The following DRICH1 variants were observed in gnomAD, a reference collection of about 807,000 sequenced individuals.
DRICH1 encodes aspartate rich 1, also known as aspartate-rich protein 1.
DRICH1 carries 38 observed loss-of-function variants against 39.5 expected under a neutral mutation model. That is an observed-to-expected ratio of 0.96 (90% confidence interval 0.74 to 1.26). The LOEUF is 1.26. Among genes scored for constraint, DRICH1 ranks in the 50% most tolerant of loss-of-function variants. DRICH1 has a pLI of 0.00. For synonymous variants in DRICH1, 84 were observed against 99.5 expected (o/e 0.84, Z 0.93); for missense variants, 279 against 270.4 (o/e 1.03, Z -0.22).
the DRICH1 span, among the ~76,000 whole-genome samples, chr22:23,595,977 C>T: frequency 0.83 from 125,550 of 152,132 alleles, 51,905 homozygotes; most frequent in Middle Eastern, 0.85. Context: ...CCTGCATTCC[C>T]GCTCCAAATG....
downstream of DRICH1, among the ~76,000 whole-genome samples, chr22:23,604,806 T>C (rs150233444): frequency 6.6e-6 from 1 of 152,126 alleles, no homozygotes; most frequent in African/African-American, 2.4e-5. Context: ...AGAGCTGCAG[T>C]TGGACTAGCT....
intron 6 of DRICH1, among the ~76,000 whole-genome samples, chr22:23,618,903 G>A (rs991592721): frequency 8.5e-5 from 13 of 152,078 alleles, no homozygotes; most frequent in Non-Finnish European, 2.9e-5. Context: ...TCCAGGCGCG[G>A]TGGCTCATGC....
chr22:23,595,536 G>A, the DRICH1 span, among the ~76,000 whole-genome samples: 2,353 of 152,060 alleles, frequency 0.015, 34 homozygotes, highest in Non-Finnish European at 0.024. Context: ...TCACCTTTCT[G>A]CCTAGTTGCC....
rs746466174 is a variant in DRICH1, at chr22:23,617,631, C to A, written c.463G>T (p.Val155Leu). ...TCATCTTCACTTCGTGGTAGGCATA[C>A]TAAACTCAGGTTGTCCTCAGAAGAA... ...SCSSEDNLSL[V>L]CLPRSEDDDC... is the part of the protein sequence containing the mutation. Residue 155 changes from valine (V) to leucine (L), a missense_variant, in exon 7 of 12, where the codon GTA becomes TTA. Coordinates refer to ENST00000317749, the MANE Select transcript of DRICH1 (RefSeq NM_016449.4). The A allele has an allele frequency of 6.2e-7, 1 of 1,614,192 alleles. No individual in the cohort carries two copies. Among genetic ancestry groups the A allele is most frequent in the Non-Finnish European group, 8.5e-7 (1 of 1,180,018 alleles).
chr22:23,601,078 A>G, the DRICH1 span, among the ~76,000 whole-genome samples: 3 of 152,256 alleles, frequency 2.0e-5, no homozygotes, highest in East Asian at 1.9e-4. Flanking sequence ...TTGTTTGCAA[A>G]TATTTATACT....
downstream of DRICH1, among the ~76,000 whole-genome samples, chr22:23,604,393 T>C (rs1926624038): frequency 6.6e-6 from 1 of 152,134 alleles, no homozygotes; most frequent in African/African-American, 2.4e-5. Context: ...TGTCCCAGTC[T>C]CTGTCCTGCA....
At chr22:23,627,068 ATTTTT>A (rs141545226) in intron 1 of DRICH1, among the ~76,000 whole-genome samples, 62 of 127,326 alleles carry the variant, frequency 4.9e-4, no homozygotes, top group South Asian at 1.2e-3. Flanking sequence ...TGAGGTTCTG[ATTTTT>A]TTTTTTTTTT....
In DRICH1 at chr22:23,617,618, C is replaced by T. The variant is rs374168516; in HGVS notation, c.476G>A (p.Arg159Gln). 323 of 1,614,030 alleles carry T rather than the reference C, an allele frequency of 2.0e-4. No individual in the cohort carries two copies. The highest frequency in any genetic ancestry group is 6.6e-4 in the Middle Eastern group (4 of 6,084). ...ATCATCACAGTCATCATCTTCACTT[C>T]GTGGTAGGCATACTAAACTCAGGTT... is the stretch of plus-strand genomic sequence containing the variant. ...EDNLSLVCLP[R>Q]SEDDDCDDDD... The change falls in exon 7 of 12, where the codon CGA (arginine) becomes CAA (glutamine). Residue 159 changes from arginine (R) to glutamine (Q), a missense_variant. Transcript: ENST00000317749.
At chr22:23,620,721 CTGT>C in intron 4 of DRICH1, 106 bp from the exon 5 acceptor site, 1 of 1,356,974 alleles carries the variant, frequency 7.4e-7, no homozygotes, top group Non-Finnish European at 1.1e-6. Flanking sequence ...AGTTGTGAAA[CTGT>C]TGTTGAGTCA....
At chr22:23,631,422 A>G (rs1342319828) in intron 1 of DRICH1, among the ~76,000 whole-genome samples, 2 of 151,344 alleles carry the variant, frequency 1.3e-5, no homozygotes, top group East Asian at 3.9e-4. Context: ...TCTAAAATAA[A>G]TAAATAAATA....
intron 11 of DRICH1, among the ~76,000 whole-genome samples, chr22:23,611,493 G>A (rs1032851259): frequency 1.3e-5 from 2 of 150,534 alleles, no homozygotes; most frequent in African/African-American, 2.5e-5. Context: ...CCAGGTTCAC[G>A]CCATTCTCCT....
At chr22:23,622,049 A>T (rs756941912) in intron 4 of DRICH1, 42 bp downstream of exon 4, 5 of 1,604,286 alleles carry the variant, frequency 3.1e-6, no homozygotes, top group Non-Finnish European at 4.3e-6. Context: ...CTCACATCAG[A>T]AAACCAACAT....
the DRICH1 span, chr22:23,583,061 C>T: frequency 1.3e-5 from 2 of 152,220 alleles, no homozygotes; most frequent in Non-Finnish European, 2.9e-5. Context: ...CAGCCCAGAG[C>T]TGACTCCAGC....
the DRICH1 span, among the ~76,000 whole-genome samples, chr22:23,594,979 AC>A: frequency 6.8e-6 from 1 of 146,676 alleles, no homozygotes; most frequent in East Asian, 2.0e-4. Context: ...CTCCCAGGAA[AC>A]CCTAACTGGG....
Position 23,622,188 on chromosome 22 carries a change from C to G in DRICH1, c.299-12G>C. On this transcript the variant is annotated splice_polypyrimidine_tract_variant and intron_variant, in intron 3 of 11. Transcript: ENST00000317749. ...GTCCTCAGAAGAACCTGGAAGGACA[C>G]AGAGGAAAGATCCGTGCCCTGGTTG... 1 of 1,612,770 alleles carries G rather than the reference C, an allele frequency of 6.2e-7. No individual in the cohort carries two copies. The highest frequency in any genetic ancestry group is 1.1e-5 in the South Asian group (1 of 91,048).
chr22:23,625,205 AC>A (rs1253716478), intron 2 of DRICH1, among the ~76,000 whole-genome samples: 1 of 152,220 alleles, frequency 6.6e-6, no homozygotes, highest in East Asian at 1.9e-4. Flanking sequence ...TCATTTAAAA[AC>A]ATCCTAGTGT....
chr22:23,593,198 A>G, the DRICH1 span, among the ~76,000 whole-genome samples: 1 of 152,304 alleles, frequency 6.6e-6, no homozygotes, highest in Middle Eastern at 3.4e-3. Flanking sequence ...TGAGAATATC[A>G]ATATAGAGAT....
intron 7 of DRICH1, 132 bp from the exon 8 acceptor site, chr22:23,617,006 A>G: frequency 9.6e-7 from 1 of 1,038,656 alleles, no homozygotes; most frequent in South Asian, 1.4e-5. Flanking sequence ...TCAAAGACCA[A>G]ACATTCTAGC....
chr22:23,586,365 T>C, the DRICH1 span, among the ~76,000 whole-genome samples: 2 of 152,320 alleles, frequency 1.3e-5, no homozygotes, highest in South Asian at 2.1e-4. Flanking sequence ...GACTTGCACC[T>C]GTAGTCCCAG....
Sources: allele counts gnomAD v4.1 joint callset (sites outside exome capture counted in the v4.1 genomes callset), GRCh38; gene constraint gnomAD v4.1.1; transcripts MANE v1.5; gene names NCBI Gene and HGNC (gene_info 2026-07-23, HGNC 2026-07-21).